The following RAB33A variants were observed in gnomAD, a reference collection of about 807,000 sequenced individuals.
The protein encoded by RAB33A is ras-related protein Rab-33A.
RAB33A carries 6 observed loss-of-function variants against 12.0 expected under a neutral mutation model. The ratio of observed to expected loss-of-function variants is 0.50; its 90% CI spans 0.27 to 0.99. The LOEUF (loss-of-function observed/expected upper bound fraction) is 0.99. Among genes scored for constraint, RAB33A ranks in the 50% least tolerant of loss-of-function variants. The pLI, the probability that RAB33A is intolerant of heterozygous loss-of-function variation, is 0.11. For missense variants in RAB33A, 109 were observed against 192.0 expected (o/e 0.57, Z 2.55); for synonymous variants, 70 against 82.4 (o/e 0.85, Z 0.81).
the RAB33A span, among the ~76,000 whole-genome samples, chrX:130,134,347 T>C: frequency 8.9e-6 from 1 of 112,074 alleles, no homozygotes; most frequent in Non-Finnish European, 1.9e-5. Flanking sequence ...AGACAGGATA[T>C]TTAATAACCA....
At chrX:130,157,021 C>A in the RAB33A span, among the ~76,000 whole-genome samples, 2 of 111,863 alleles carry the variant, frequency 1.8e-5, no homozygotes, top group South Asian at 7.5e-4. Flanking sequence ...TGGTTCCAAT[C>A]TTGCACAAAA....
chrX:130,111,119 C>A, the RAB33A span, among the ~76,000 whole-genome samples: 25 of 107,838 alleles, frequency 2.3e-4, no homozygotes, highest in African/African-American at 8.1e-4. Flanking sequence ...GCCAGGGGCC[C>A]GCGCGGCCTC....
rs770323015 is a variant in RAB33A, at chrX:130,184,697, A to G, written c.671A>G (p.Glu224Gly). Residue 224 changes from glutamate to glycine, a missense_variant, in exon 2 of 2, where the codon GAG becomes GGG. Coordinates refer to ENST00000257017, the MANE Select transcript of RAB33A (RefSeq NM_004794.3). ...ERQQGKVQKL[E>G]FPQEANSKTS... ...CAGCAGGGGAAGGTGCAGAAACTGGAGTTCCCACAGGAAGCTAACAGTAAA... is the reference window on the plus strand; with the variant it reads ...CAGCAGGGGAAGGTGCAGAAACTGGGGTTCCCACAGGAAGCTAACAGTAAA... The G allele has an allele frequency of 5.0e-6, 6 of 1,210,128 alleles. No individual in the cohort carries two copies. In the African/African-American group the frequency reaches 1.0e-4, roughly 21 times the overall value.
chrX:130,132,404 G>C, the RAB33A span, among the ~76,000 whole-genome samples: 6 of 112,485 alleles, frequency 5.3e-5, no homozygotes, highest in Admixed American at 9.4e-5. Flanking sequence ...AAAGTGATGA[G>C]GTTCCCACTT....
the RAB33A span, among the ~76,000 whole-genome samples, chrX:130,153,178 CAAAAAAA>C: frequency 2.3e-5 from 1 of 43,915 alleles, no homozygotes; most frequent in South Asian, 1.3e-3. Flanking sequence ...ACTAAAAATA[CAAAAAAA>C]AAAAAAAAAA....
At chrX:130,162,331 T>C in the RAB33A span, among the ~76,000 whole-genome samples, 1 of 111,756 alleles carries the variant, frequency 8.9e-6, no homozygotes, top group South Asian at 3.8e-4. Context: ...AAACAGTATA[T>C]ACCAAACTTG....
At chrX:130,165,437 C>T in the RAB33A span, 2 of 646,136 alleles carry the variant, frequency 3.1e-6, no homozygotes, top group Non-Finnish European at 5.0e-6. Flanking sequence ...TTGGAATTCA[C>T]GTGACTATGT....
the RAB33A span, among the ~76,000 whole-genome samples, chrX:130,158,974 G>A: frequency 9.0e-6 from 1 of 111,210 alleles, no homozygotes; most frequent in Admixed American, 9.6e-5. Flanking sequence ...ATGTGGATCT[G>A]TGGTCTCTCA....
chrX:130,164,307 G>A, the RAB33A span, among the ~76,000 whole-genome samples: 1 of 112,651 alleles, frequency 8.9e-6, no homozygotes, highest in African/African-American at 3.2e-5. Flanking sequence ...GAGGTTTTAA[G>A]TTCCAAGAGC....
chrX:130,156,704 C>T, the RAB33A span: 6 of 908,605 alleles, frequency 6.6e-6, no homozygotes, highest in Admixed American at 1.4e-4. Flanking sequence ...TTATTGCCCA[C>T]AGATATTCAC....
At chrX:130,166,238 C>T in the RAB33A span, among the ~76,000 whole-genome samples, 6 of 112,009 alleles carry the variant, frequency 5.4e-5, no homozygotes, top group Non-Finnish European at 1.1e-4. Context: ...GGCGCGGAAC[C>T]TGGCTTCCCA....
chrX:130,137,378 C>A, the RAB33A span: 5 of 1,155,572 alleles, frequency 4.3e-6, no homozygotes, highest in South Asian at 2.0e-5. Context: ...GCAAATACAA[C>A]AGGTATCAGA....
the RAB33A span, among the ~76,000 whole-genome samples, chrX:130,123,737 A>T: frequency 9.9e-6 from 1 of 100,533 alleles, no homozygotes; most frequent in Non-Finnish European, 2.0e-5. Flanking sequence ...GGAAAACAAG[A>T]GGGGAAGACT....
At chrX:130,160,947 T>A in the RAB33A span, among the ~76,000 whole-genome samples, 62 of 110,791 alleles carry the variant, frequency 5.6e-4, no homozygotes, top group African/African-American at 1.3e-3. Flanking sequence ...GAGTTTTTTT[T>A]AAAAAAAGCT....
the RAB33A span, chrX:130,136,668 A>C: frequency 8.3e-7 from 1 of 1,210,918 alleles, no homozygotes; most frequent in Non-Finnish European, 1.1e-6. Context: ...CAGCTTGATA[A>C]GTAACTTGCC....
At position 130,184,453 on chromosome X, in the gene RAB33A, C is replaced by T. The variant is rs2031764366; in HGVS notation, c.427C>T (p.Leu143=). ...QECNGHAVPP[L]VPKVLVGNKC... ...ATGCAATGGGCATGCTGTGCCCCCA[C>T]TAGTCCCCAAAGTGCTTGTGGGCAA... Residue 143 remains leucine (L), a synonymous_variant, in exon 2 of 2, where the codon CTA becomes TTA. Coordinates refer to ENST00000257017, the MANE Select transcript of RAB33A (RefSeq NM_004794.3). 11 of 1,212,142 alleles carry T rather than the reference C, an allele frequency of 9.1e-6. No homozygotes were observed. Among genetic ancestry groups the T allele is most frequent in the Non-Finnish European group, 1.1e-5 (10 of 895,406 alleles).
the RAB33A span, among the ~76,000 whole-genome samples, chrX:130,164,165 C>T: frequency 0.49 from 47,378 of 95,846 alleles, 9,465 homozygotes; most frequent in African/African-American, 0.7. Context: ...GAGACTCCGT[C>T]TCAAAAAAAA....
At chrX:130,118,754 C>G in the RAB33A span, among the ~76,000 whole-genome samples, 1 of 110,917 alleles carries the variant, frequency 9.0e-6, no homozygotes, top group Non-Finnish European at 1.9e-5. Flanking sequence ...CTGGGCCTTG[C>G]CTGCCTATGT....
the RAB33A span, among the ~76,000 whole-genome samples, chrX:130,150,168 A>G: frequency 9.0e-6 from 1 of 110,995 alleles, no homozygotes; most frequent in Non-Finnish European, 1.9e-5. Flanking sequence ...CTACACACAG[A>G]TATTTACTAG....
Sources: allele counts gnomAD v4.1 joint callset (sites outside exome capture counted in the v4.1 genomes callset), GRCh38; gene constraint gnomAD v4.1.1; transcripts MANE v1.5; gene names NCBI Gene and HGNC (gene_info 2026-07-23, HGNC 2026-07-21).